Variants in GABRG3 observed in about 807,000 individuals in gnomAD.
The protein encoded by GABRG3 is gamma-aminobutyric acid type A receptor subunit gamma3.
A neutral mutation model predicts 48.8 loss-of-function variants in GABRG3; 25 were observed. The ratio of observed to expected loss-of-function variants is 0.51; its 90% CI spans 0.37 to 0.72. The LOEUF is 0.72. GABRG3 is among the 30% of genes least tolerant of loss of function. The pLI is 0.00. For missense variants in GABRG3, 394 were observed against 577.9 expected (o/e 0.68, Z 3.26); for synonymous variants, 227 against 217.6 (o/e 1.04, Z -0.38).
intron 5 of GABRG3, among the ~76,000 whole-genome samples, chr15:27,400,161 A>T (rs1887432992): frequency 6.6e-6 from 1 of 152,190 alleles, no homozygotes. Context: ...GAGTTTTAAC[A>T]TTTCTTTTTC....
At chr15:27,040,137 G>T (rs1896250488) in intron 3 of GABRG3, among the ~76,000 whole-genome samples, 1 of 152,268 alleles carries the variant, frequency 6.6e-6, no homozygotes, top group African/African-American at 2.4e-5. Flanking sequence ...AGGATGAGGT[G>T]AGTGTCCCAG....
rs747436394 is a variant in GABRG3 at position 27,527,558 on chromosome 15, C to T, written c.991C>T (p.Leu331=). ...GTGCTTCCTGTTTGTCTTCGCCGCGCTGATGGAGTATGCCACCCTCAACTA... is the reference window on the plus strand; with the variant it reads ...GTGCTTCCTGTTTGTCTTCGCCGCGTTGATGGAGTATGCCACCCTCAACTA... ...TVCFLFVFAA[L]MEYATLNYYS... is the part of the protein sequence containing the mutation. The change falls in exon 8 of 10, where the codon CTG becomes TTG. Residue 331 remains leucine (L), a synonymous_variant. Transcript: ENST00000615808. 4.1e-5 allele frequency: 66 copies of T among 1,613,806 alleles called. 1 individual carries two copies. The South Asian group carries it at 7.1e-4, about 17-fold the overall frequency.
At chr15:27,504,983 A>T (rs565531278) in intron 6 of GABRG3, among the ~76,000 whole-genome samples, 4 of 152,330 alleles carry the variant, frequency 2.6e-5, no homozygotes, top group African/African-American at 9.6e-5. Context: ...CTAAAAAATT[A>T]ACATAGCCAC....
intron 5 of GABRG3, among the ~76,000 whole-genome samples, chr15:27,434,030 A>T (rs2140625626): frequency 6.6e-6 from 1 of 152,312 alleles, no homozygotes; most frequent in African/African-American, 2.4e-5. Flanking sequence ...TTAGTTATCC[A>T]TGTCAGCGCT....
intron 3 of GABRG3, among the ~76,000 whole-genome samples, chr15:27,132,272 AC>A (rs1897928435): frequency 1.3e-5 from 2 of 152,020 alleles, no homozygotes; most frequent in Admixed American, 6.5e-5. Context: ...TTCAGGTCTT[AC>A]ATTTAAATGT....
intron 3 of GABRG3, among the ~76,000 whole-genome samples, chr15:27,316,245 G>A (rs550163237): frequency 1.9e-4 from 29 of 151,958 alleles, no homozygotes; most frequent in Admixed American, 3.9e-4. Context: ...AAAATTAGCC[G>A]GGCCTAGTGG....
rs28659880 is a variant in GABRG3 at position 27,362,019 on chromosome 15, G to A, written c.574+33131G>A. Among the ~76,000 whole-genome samples, 735 of 152,180 alleles carry A rather than the reference G, an allele frequency of 4.8e-3. 9 individuals carry two copies. Among genetic ancestry groups the A allele is most frequent in the African/African-American group, 0.016 (675 of 41,508 alleles). ...ATACATGTATATCTTGCCCACACAC[G>A]CTCATGATGTTTTCCTAGTTCTGGA... On this transcript the variant is annotated intron_variant, in intron 5 of 9. Coordinates refer to ENST00000615808, the MANE Select transcript of GABRG3 (RefSeq NM_033223.5).
At chr15:27,150,724 A>C (rs1898295440) in intron 3 of GABRG3, among the ~76,000 whole-genome samples, 1 of 152,104 alleles carries the variant, frequency 6.6e-6, no homozygotes, top group Admixed American at 6.5e-5. Context: ...ACCTCACACA[A>C]CTCGTTACTG....
intron 3 of GABRG3, among the ~76,000 whole-genome samples, chr15:27,235,486 A>G (rs140433449): frequency 3.9e-5 from 6 of 151,974 alleles, no homozygotes; most frequent in African/African-American, 1.5e-4. Flanking sequence ...TTCAATTTAG[A>G]CTTATTTCTT....
At chr15:27,031,445 T>C (rs1177768629) in intron 3 of GABRG3, among the ~76,000 whole-genome samples, 1 of 152,218 alleles carries the variant, frequency 6.6e-6, no homozygotes, top group East Asian at 1.9e-4. Context: ...ATGGCTTTTT[T>C]TCCTTCGTTT....
intron 3 of GABRG3, among the ~76,000 whole-genome samples, chr15:27,029,932 C>T (rs1252371935): frequency 6.6e-6 from 1 of 152,166 alleles, no homozygotes; most frequent in Non-Finnish European, 1.5e-5. Flanking sequence ...GAGTGCATCA[C>T]ATAGACCCGC....
At chr15:27,002,488 T>G (rs1595465031) in intron 2 of GABRG3, among the ~76,000 whole-genome samples, 1 of 152,230 alleles carries the variant, frequency 6.6e-6, no homozygotes, top group Non-Finnish European at 1.5e-5. Context: ...TTGTTAAATA[T>G]CTTAATGAAG....
intron 3 of GABRG3, among the ~76,000 whole-genome samples, chr15:27,242,717 C>T (rs773039008): frequency 8.5e-5 from 13 of 152,132 alleles, no homozygotes; most frequent in South Asian, 2.1e-4. Flanking sequence ...TAGTGCAGTT[C>T]GGGCCAGCAT....
rs1275190293 is a variant in GABRG3, at chr15:27,306,550, CAT to C, written c.271-20253_271-20252del. Among the ~76,000 whole-genome samples the C allele has an allele frequency of 5.2e-4, 62 of 119,994 alleles. 3 individuals are homozygous for C. Among genetic ancestry groups the C allele is most frequent in the South Asian group, 1.0e-3 (4 of 3,878 alleles). 78.7% of individuals were successfully genotyped at this position (119,994 alleles called of 152,430 possible). A position where few individuals can be genotyped will look rare whatever the true frequency, so the allele number is the denominator to read the frequency against. ...TATAAACATAAACATATAATATAAACATATATAATATAAACATATATGTTTAT... is the reference window on the plus strand; with the variant it reads ...TATAAACATAAACATATAATATAAACATATAATATAAACATATATGTTTAT... On this transcript the variant is annotated intron_variant, in intron 3 of 9. Coordinates refer to ENST00000615808, the MANE Select transcript of GABRG3 (RefSeq NM_033223.5).
chr15:27,489,837 T>G (rs1890307687), intron 6 of GABRG3, among the ~76,000 whole-genome samples: 1 of 152,196 alleles, frequency 6.6e-6, no homozygotes, highest in South Asian at 2.1e-4. Context: ...TTCATTCTGA[T>G]GATAGTTTCT....
At chr15:27,458,305 G>C (rs1016465176) in intron 5 of GABRG3, among the ~76,000 whole-genome samples, 1 of 152,162 alleles carries the variant, frequency 6.6e-6, no homozygotes, top group African/African-American at 2.4e-5. Flanking sequence ...TGGCCTTGAC[G>C]CTGTTTATCT....
At chr15:27,387,869 G>C (rs1243305204) in intron 5 of GABRG3, among the ~76,000 whole-genome samples, 1 of 31,766 alleles carries the variant, frequency 3.1e-5, no homozygotes, top group Non-Finnish European at 6.7e-5. Context: ...GGAGGAAGGA[G>C]GGAGGGAGGG....
At chr15:27,434,150 G>A (rs570982502) in intron 5 of GABRG3, among the ~76,000 whole-genome samples, 1 of 152,306 alleles carries the variant, frequency 6.6e-6, no homozygotes, top group East Asian at 1.9e-4. Flanking sequence ...AATTGCTGGA[G>A]TGACACTATA....
At chr15:27,476,427 A>G (rs559282567) in intron 5 of GABRG3, among the ~76,000 whole-genome samples, 131 of 152,328 alleles carry the variant, frequency 8.6e-4, no homozygotes, top group Non-Finnish European at 1.3e-3. Flanking sequence ...AAAGGAAAGT[A>G]TAACAACTAG....
Sources: allele counts gnomAD v4.1 joint callset (sites outside exome capture counted in the v4.1 genomes callset), GRCh38; gene constraint gnomAD v4.1.1; transcripts MANE v1.5; gene names NCBI Gene and HGNC (gene_info 2026-07-23, HGNC 2026-07-21).